Variants in ZNF532 observed in about 807,000 individuals in gnomAD.
ZNF532 encodes the protein zinc finger protein 532.
In ZNF532, 22 loss-of-function variants were observed where a neutral mutation model predicts 89.3. The ratio of observed to expected loss-of-function variants is 0.25; its 90% CI spans 0.18 to 0.35. ZNF532 has a LOEUF of 0.35. Among genes scored for constraint, ZNF532 ranks in the 10% least tolerant of loss-of-function variants. The probability of loss-of-function intolerance (pLI) is 1.00; values close to 1 mark genes in which losing one functional copy is unlikely to be tolerated. For synonymous variants in ZNF532, 606 were observed against 649.6 expected (o/e 0.93, Z 1.02); for missense variants, 1,132 against 1,643.4 (o/e 0.69, Z 5.38).
At chr18:58,871,817 G>A (rs1438103637) in intron 2 of ZNF532, among the ~76,000 whole-genome samples, 1 of 152,234 alleles carries the variant, frequency 6.6e-6, no homozygotes, top group East Asian at 1.9e-4. Flanking sequence ...TCTAGAAATA[G>A]CATGTTGAAA....
In ZNF532 at chr18:58,880,836, G is replaced by A. The variant is rs554186278; in HGVS notation, c.-18+15257G>A. Among the ~76,000 whole-genome samples the A allele has an allele frequency of 1.1e-4, 17 of 148,316 alleles. 1 individual carries two copies. The highest frequency in any genetic ancestry group is 3.6e-3 in the Middle Eastern group (1 of 274). On this transcript the variant is annotated intron_variant, in intron 2 of 9. Coordinates refer to ENST00000591808, the MANE Select transcript of ZNF532 (RefSeq NM_001375912.1). The stretch of plus-strand genomic sequence containing the variant: ...TATATATCTGGCAAAATGCAAGTCT[G>A]GTTTATCTGGCCAATGTTAATTTTG...
intron 7 of ZNF532, among the ~76,000 whole-genome samples, chr18:58,971,644 G>A (rs2066489192): frequency 6.6e-6 from 1 of 152,214 alleles, no homozygotes; most frequent in Non-Finnish European, 1.5e-5. Flanking sequence ...TAGAGTTGAA[G>A]ACTAGAGCTG....
chr18:58,889,665 C>T (rs1052365469), intron 2 of ZNF532, among the ~76,000 whole-genome samples: 4 of 151,600 alleles, frequency 2.6e-5, no homozygotes, highest in South Asian at 2.1e-4. Flanking sequence ...CCCAGCTACT[C>T]GGGAGGCTGA....
rs2068221941 is a variant in ZNF532 at position 58,984,592 on chromosome 18, T to G, written c.*126T>G. 8.4e-7 allele frequency: 1 copy of G among 1,191,814 alleles called. No homozygotes were observed. Among genetic ancestry groups the G allele is most frequent in the Non-Finnish European group, 1.2e-6 (1 of 865,174 alleles). 73.8% of individuals were successfully genotyped at this position (1,191,814 alleles called of 1,614,324 possible). A position where few individuals can be genotyped will look rare whatever the true frequency, so the allele number is the denominator to read the frequency against. On this transcript the variant is annotated 3_prime_UTR_variant, in exon 10 of 10. Coordinates refer to ENST00000591808, the MANE Select transcript of ZNF532 (RefSeq NM_001375912.1). ...GCTGTTGCAATATATTCTCTTTCAA[T>G]GTACCTTCCTTCACCTCGTCGTATA...
chr18:58,953,535 G>A lies in ZNF532; in HGVS notation c.2886G>A (p.Leu962=), dbSNP rs1487847319. Residue 962 remains leucine, a synonymous_variant, in exon 7 of 10, where the codon TTG becomes TTA. Coordinates refer to ENST00000591808, the MANE Select transcript of ZNF532 (RefSeq NM_001375912.1). Reference sequence around the variant, plus strand: ...TAATGTAGTCTATGCATGGAACATTGAAAAGTATTGAAGGGCCTCCAAACT... The same window carrying A: ...TAATGTAGTCTATGCATGGAACATTAAAAAGTATTGAAGGGCCTCCAAACT... ...MDHIKSMHGT[L]KSIEGPPNLG... 6.2e-7 allele frequency: 1 copy of A among 1,610,824 alleles called. No homozygotes were observed.
intron 9 of ZNF532, 103 bp from the exon 10 acceptor site, chr18:58,983,869 A>C (rs761567106): frequency 3.5e-6 from 5 of 1,435,650 alleles, no homozygotes; most frequent in Non-Finnish European, 4.7e-6. Flanking sequence ...CAAAGCGTTC[A>C]GCACAAGTTT....
intron 2 of ZNF532, among the ~76,000 whole-genome samples, chr18:58,876,951 T>G (rs953004297): frequency 3.3e-5 from 5 of 152,164 alleles, no homozygotes; most frequent in East Asian, 1.9e-4. Flanking sequence ...TCCTAGCTAC[T>G]TAGGAGACTG....
At chr18:58,939,345 C>T (rs2062784039) in intron 4 of ZNF532, 100 bp from the exon 5 acceptor site, 1 of 850,012 alleles carries the variant, frequency 1.2e-6, no homozygotes, top group South Asian at 2.8e-5. Context: ...CCATTAAAAA[C>T]CTAAAAGGGC....
intron 7 of ZNF532, among the ~76,000 whole-genome samples, chr18:58,963,639 GTGTGTGTA>G (rs1244113898): frequency 1.6e-5 from 2 of 127,896 alleles, no homozygotes; most frequent in Non-Finnish European, 3.5e-5. Context: ...GTGTGTGTGT[GTGTGTGTA>G]TGTATATAAA....
rs1445412683 is a variant in ZNF532, at chr18:58,985,835, T to TAGTC, written c.*1371_*1374dup. The TAGTC allele has an allele frequency of 6.6e-6, 1 of 151,896 alleles. No individual in the cohort carries two copies. The highest frequency in any genetic ancestry group is 1.5e-5 in the Non-Finnish European group (1 of 67,940). The allele number at this position is 151,896 out of a possible 1,614,324, so 9.4% of individuals were successfully genotyped here. ...ATATAGATACTTGCATGATATACTGTAGTCAATGTTCGGTTCCTCAAAAGG... is the reference window on the plus strand; with the variant it reads ...ATATAGATACTTGCATGATATACTGTAGTCAGTCAATGTTCGGTTCCTCAAAAGG... On this transcript the variant is annotated 3_prime_UTR_variant, in exon 10 of 10. Coordinates refer to ENST00000591808, the MANE Select transcript of ZNF532 (RefSeq NM_001375912.1).
chr18:58,979,354 A>AT (rs10671945), intron 8 of ZNF532, 187 bp downstream of exon 8: 1 of 414,254 alleles, frequency 2.4e-6, no homozygotes, highest in Non-Finnish European at 4.4e-6. Context: ...AATAAAAAAA[A>AT]AAGGAGCATT....
intron 7 of ZNF532, among the ~76,000 whole-genome samples, chr18:58,965,013 T>TTTTTAATAC (rs1452462093): frequency 6.7e-6 from 1 of 149,260 alleles, no homozygotes; most frequent in Non-Finnish European, 1.5e-5. Flanking sequence ...AAATCTATAA[T>TTTTTAATAC]TTTTAATACT....
At chr18:58,880,927 T>G (rs1449201857) in intron 2 of ZNF532, among the ~76,000 whole-genome samples, 1 of 152,132 alleles carries the variant, frequency 6.6e-6, no homozygotes, top group Non-Finnish European at 1.5e-5. Context: ...TGCTTTTGAT[T>G]TAGATGGCTC....
chr18:58,959,260 G>GTT lies in ZNF532; in HGVS notation c.3150+5469_3150+5470dup, dbSNP rs1459830009. ...AGATCTTTTCAGTTTTTTGTTTTTT[G>GTT]TTTTTTTTTGTTTTTTTTTGGTTTT... On this transcript the variant is annotated intron_variant, in intron 7 of 9. Transcript: ENST00000591808. Among the ~76,000 whole-genome samples, 458 of 128,682 alleles carry GTT rather than the reference G, an allele frequency of 3.6e-3. 10 individuals carry two copies. Among genetic ancestry groups the GTT allele is most frequent in the African/African-American group, 0.012 (352 of 30,438 alleles). The allele number at this position is 128,682 out of a possible 152,430, so 84.4% of individuals were successfully genotyped here. A position where few individuals can be genotyped will look rare whatever the true frequency, so the allele number is the denominator to read the frequency against.
chr18:58,933,411 A>G (rs941702654), intron 3 of ZNF532, among the ~76,000 whole-genome samples: 1 of 152,202 alleles, frequency 6.6e-6, no homozygotes, highest in Non-Finnish European at 1.5e-5. Flanking sequence ...AAGTCTTTTT[A>G]AAATTTCTTA....
At chr18:58,930,634 A>C (rs1346974271) in intron 3 of ZNF532, among the ~76,000 whole-genome samples, 1 of 151,412 alleles carries the variant, frequency 6.6e-6, no homozygotes. Context: ...TCTCAAAAAA[A>C]AAAAAAAAAA....
In ZNF532 at chr18:58,918,981, G is replaced by C. The variant is rs1169164212; in HGVS notation, c.694G>C (p.Asp232His). The C allele has an allele frequency of 2.5e-6, 4 of 1,613,352 alleles. No individual in the cohort carries two copies. The South Asian group carries it at 3.3e-5, about 13-fold the overall frequency. Residue 232 changes from aspartate (D) to histidine (H), a missense_variant, in exon 3 of 10, where the codon GAC becomes CAC. Asp to His is a moderately conservative substitution (Grantham distance 81). Around this residue, in one of 9 missense-constraint regions of ZNF532, gnomAD observed 302 missense variants for 319.8 expected, o/e 0.94. Coordinates refer to ENST00000591808, the MANE Select transcript of ZNF532 (RefSeq NM_001375912.1). ...KAEDKLKESSDKVLENRVLDG... is the reference protein window; with the variant it reads ...KAEDKLKESSHKVLENRVLDG... The stretch of plus-strand genomic sequence containing the variant: ...AGAGGATAAATTGAAGGAAAGCTCT[G>C]ACAAGGTGCTGGAAAACAGAGTCCT...
rs1038638132 is a variant in ZNF532, at chr18:58,986,303, G to A, written c.*1837G>A. The A allele has an allele frequency of 2.6e-5, 4 of 152,658 alleles. No homozygotes were observed. The highest frequency in any genetic ancestry group is 5.9e-5 in the Non-Finnish European group (4 of 68,044). 9.5% of individuals were successfully genotyped at this position (152,658 alleles called of 1,614,324 possible). ...TAGGTCCGAATAACCTAGTTTTACA[G>A]TTGAGGGAGCTGAGCTCAGATTCAG... On this transcript the variant is annotated 3_prime_UTR_variant, in exon 10 of 10. Coordinates refer to ENST00000591808, the MANE Select transcript of ZNF532 (RefSeq NM_001375912.1).
At chr18:58,863,583 A>C, upstream of ZNF532, 1 of 5,916 alleles carries the variant, frequency 1.7e-4, no homozygotes, top group African/African-American at 1.6e-3. Flanking sequence ...GGCAGCGGGA[A>C]CGCAGATGAC....
Sources: gnomAD v4.1 joint callset for allele counts (sites outside exome capture counted in the v4.1 genomes callset) on GRCh38, gnomAD v4.1.1 for gene constraint, gnomAD v4.1.1 regional missense constraint, MANE v1.5 for transcripts, NCBI Gene and HGNC (gene_info 2026-07-23, HGNC 2026-07-21) for gene names.